Variants in ZMAT4 observed in about 807,000 individuals in gnomAD.
The protein encoded by ZMAT4 is zinc finger matrin-type protein 4.
Under a neutral mutation model 28.7 loss-of-function variants are expected in ZMAT4, and 17 were observed. That is an observed-to-expected ratio of 0.59 (90% CI 0.41 to 0.89). The LOEUF is 0.89. Among genes scored for constraint, ZMAT4 ranks in the 40% least tolerant of loss-of-function variants. ZMAT4 has a pLI of 0.00. For synonymous variants in ZMAT4, 117 were observed against 109.2 expected (o/e 1.07, Z -0.44); for missense variants, 240 against 283.8 (o/e 0.85, Z 1.11).
At chr8:40,543,412 A>G (rs1803104535) in intron 6 of ZMAT4, among the ~76,000 whole-genome samples, 1 of 152,308 alleles carries the variant, frequency 6.6e-6, no homozygotes, top group Non-Finnish European at 1.5e-5. Flanking sequence ...GTCAAACTCA[A>G]TGTTGTAGAA....
intron 2 of ZMAT4, among the ~76,000 whole-genome samples, chr8:40,798,238 G>T (rs189359108): frequency 6.6e-6 from 1 of 152,152 alleles, no homozygotes; most frequent in African/African-American, 2.4e-5. Flanking sequence ...GTCCTGATCT[G>T]CAAGTTAATG....
chr8:40,888,766 G>A (rs553254290), intron 1 of ZMAT4, among the ~76,000 whole-genome samples: 2 of 152,370 alleles, frequency 1.3e-5, no homozygotes, highest in South Asian at 4.1e-4. Flanking sequence ...AGGAGACCCA[G>A]AGGGCCACCT....
Position 40,697,062 on chromosome 8 carries a change from G to C in ZMAT4, c.349+183C>G, listed in dbSNP as rs1809918996. Reference sequence around the variant, plus strand: ...GGTGATAGAATGAGCACCTGAAATGGTATTTAGGGGTCTTAGGACAGCCAG... The same window carrying C: ...GGTGATAGAATGAGCACCTGAAATGCTATTTAGGGGTCTTAGGACAGCCAG... On this transcript the variant is annotated intron_variant, in intron 4 of 6. Transcript: ENST00000297737. 17 of 560,530 alleles carry C rather than the reference G, an allele frequency of 3.0e-5. No homozygotes were observed. The South Asian group carries it at 5.8e-4, about 19-fold the overall frequency. The allele number at this position is 560,530 out of a possible 1,614,324, so 34.7% of individuals were successfully genotyped here.
intron 1 of ZMAT4, among the ~76,000 whole-genome samples, chr8:40,848,896 G>A (rs1190540008): frequency 1.3e-5 from 2 of 152,028 alleles, no homozygotes; most frequent in African/African-American, 4.8e-5. Context: ...AAACAAAGTC[G>A]GCACCTACAT....
At chr8:40,642,676 T>C (rs565420029) in intron 5 of ZMAT4, among the ~76,000 whole-genome samples, 52 of 152,346 alleles carry the variant, frequency 3.4e-4, no homozygotes, top group Admixed American at 1.2e-3. Flanking sequence ...AGGAGGGCTA[T>C]TAATATTCTC....
intron 5 of ZMAT4, among the ~76,000 whole-genome samples, chr8:40,611,818 C>CA (rs1656967201): frequency 6.6e-6 from 1 of 152,126 alleles, no homozygotes; most frequent in African/African-American, 2.4e-5. Context: ...TTTGAATGTT[C>CA]AAATAGTTTC....
intron 5 of ZMAT4, among the ~76,000 whole-genome samples, chr8:40,674,080 CTT>C (rs59753899): frequency 9.7e-4 from 104 of 107,270 alleles, no homozygotes; most frequent in East Asian, 2.9e-3. Flanking sequence ...TTTTTATCAT[CTT>C]TTTTTTTTTT....
At chr8:40,830,871 G>A (rs994844968) in intron 1 of ZMAT4, among the ~76,000 whole-genome samples, 1 of 152,018 alleles carries the variant, frequency 6.6e-6, no homozygotes, top group Admixed American at 6.6e-5. Context: ...ACTGAGCCCT[G>A]GTTTCCTTAG....
intron 2 of ZMAT4, among the ~76,000 whole-genome samples, chr8:40,768,535 G>T (rs1813255535): frequency 1.3e-5 from 2 of 152,124 alleles, no homozygotes; most frequent in Non-Finnish European, 2.9e-5. Context: ...ATGGCGGAGT[G>T]AAAAGAACAC....
At chr8:40,599,280 G>T (rs1210025195) in intron 5 of ZMAT4, among the ~76,000 whole-genome samples, 5 of 152,080 alleles carry the variant, frequency 3.3e-5, no homozygotes, top group African/African-American at 1.2e-4. Context: ...CACATAGTAG[G>T]TATTCAATTT....
At chr8:40,705,694 T>C (rs543106747) in intron 3 of ZMAT4, among the ~76,000 whole-genome samples, 7 of 152,340 alleles carry the variant, frequency 4.6e-5, no homozygotes, top group Admixed American at 1.3e-4. Flanking sequence ...AATTAACATA[T>C]GTATTGCCTC....
chr8:40,625,880 G>A (rs1415123839), intron 5 of ZMAT4, among the ~76,000 whole-genome samples: 1 of 152,174 alleles, frequency 6.6e-6, no homozygotes, highest in Non-Finnish European at 1.5e-5. Context: ...GGGAGGCCAA[G>A]GCAGGTGGAT....
chr8:40,855,439 T>G (rs1040256918), intron 1 of ZMAT4, among the ~76,000 whole-genome samples: 1 of 152,056 alleles, frequency 6.6e-6, no homozygotes, highest in Non-Finnish European at 1.5e-5. Context: ...AGATAAAAAC[T>G]GTCTCTCTCC....
chr8:40,645,012 A>G (rs1245815961), intron 5 of ZMAT4, among the ~76,000 whole-genome samples: 2 of 152,206 alleles, frequency 1.3e-5, no homozygotes, highest in East Asian at 3.9e-4. Context: ...GGAGGAGTCT[A>G]AAAATAGGTG....
intron 6 of ZMAT4, among the ~76,000 whole-genome samples, chr8:40,568,944 G>A (rs1443584830): frequency 1.3e-5 from 2 of 152,030 alleles, no homozygotes; most frequent in African/African-American, 2.4e-5. Flanking sequence ...ATCACTACTT[G>A]TTGCATCCCC....
intron 2 of ZMAT4, among the ~76,000 whole-genome samples, chr8:40,780,500 T>C (rs527641964): frequency 4.6e-5 from 7 of 152,236 alleles, no homozygotes; most frequent in Non-Finnish European, 1.0e-4. Context: ...TTGCTCAATG[T>C]TCCTGTTTTA....
At chr8:40,869,671 C>T (rs774647865) in intron 1 of ZMAT4, among the ~76,000 whole-genome samples, 6 of 152,286 alleles carry the variant, frequency 3.9e-5, no homozygotes, top group South Asian at 2.1e-4. Flanking sequence ...TTCACAATCA[C>T]GAGAAAATGT....
intron 6 of ZMAT4, among the ~76,000 whole-genome samples, chr8:40,565,866 C>T (rs577182605): frequency 6.6e-6 from 1 of 151,840 alleles, no homozygotes; most frequent in African/African-American, 2.4e-5. Flanking sequence ...CCCAACACCA[C>T]ACTCCTGACA....
rs77072832 is a variant in ZMAT4 at position 40,690,918 on chromosome 8, G to A, written c.349+6327C>T. On this transcript the variant is annotated intron_variant, in intron 4 of 6. Coordinates refer to ENST00000297737, the MANE Select transcript of ZMAT4 (RefSeq NM_024645.3). Reference sequence around the variant, plus strand: ...CAATGAATGAGATCATTGCTTATCCGTTGCTTTTCTTACATTGTTTACTGT... The same window carrying A: ...CAATGAATGAGATCATTGCTTATCCATTGCTTTTCTTACATTGTTTACTGT... 4.0e-3 allele frequency: 3,936 copies of A among 984,688 alleles called. 13 individuals carry two copies. Among genetic ancestry groups the A allele is most frequent in the Non-Finnish European group, 4.5e-3 (3,735 of 829,336 alleles). 61.0% of individuals were successfully genotyped at this position (984,688 alleles called of 1,614,324 possible). A position where few individuals can be genotyped will look rare whatever the true frequency, so the allele number is the denominator to read the frequency against.
Sources: allele counts gnomAD v4.1 joint callset (sites outside exome capture counted in the v4.1 genomes callset), GRCh38; gene constraint gnomAD v4.1.1; transcripts MANE v1.5; gene names NCBI Gene and HGNC (gene_info 2026-07-23, HGNC 2026-07-21).